The following SH3RF3 variants were observed in gnomAD, a reference collection of about 807,000 sequenced individuals.
The protein encoded by SH3RF3 is SH3 domain containing ring finger 3.
Under a neutral mutation model 66.3 loss-of-function variants are expected in SH3RF3, and 29 were observed. That is an observed-to-expected ratio of 0.44 (90% CI 0.33 to 0.60). The LOEUF (loss-of-function observed/expected upper bound fraction) is 0.60. SH3RF3 is among the 20% of genes least tolerant of loss of function. The pLI is 0.04. For synonymous variants in SH3RF3, 583 were observed against 532.0 expected (o/e 1.10, Z -1.32); for missense variants, 1,194 against 1,190.9 (o/e 1.00, Z -0.04).
rs558416208 is a variant in SH3RF3, at chr2:109,330,706, C to T, written c.574-16968C>T. On this transcript the variant is annotated intron_variant, in intron 1 of 9. Coordinates refer to ENST00000309415, the MANE Select transcript of SH3RF3 (RefSeq NM_001099289.3). ...GGATGAATGATGGATGGATACATGA[C>T]GGATGGATGAATAAACAAATAAATG... Among the ~76,000 whole-genome samples, 158 of 152,034 alleles carry T rather than the reference C, an allele frequency of 1.0e-3. 1 individual carries two copies. Among genetic ancestry groups the T allele is most frequent in the Non-Finnish European group, 1.0e-3 (70 of 67,984 alleles).
chr2:109,470,402 G>A (rs1678474919), intron 8 of SH3RF3, among the ~76,000 whole-genome samples: 1 of 152,180 alleles, frequency 6.6e-6, no homozygotes, highest in South Asian at 2.1e-4. Context: ...GAAGCGCCTT[G>A]TCAATCTTTG....
chr2:109,438,646 G>A (rs1162527858), intron 7 of SH3RF3, among the ~76,000 whole-genome samples: 1 of 152,150 alleles, frequency 6.6e-6, no homozygotes, highest in Non-Finnish European at 1.5e-5. Context: ...ATTACCTGGT[G>A]CCCAAGCCCA....
rs34609468 is a variant in SH3RF3 at position 109,129,583 on chromosome 2, G to A, written c.43G>A (p.Ala15Thr). 0.22 allele frequency: 322,253 copies of A among 1,481,992 alleles called. 37,537 individuals carry two copies. The highest frequency in any genetic ancestry group is 0.31 in the Middle Eastern group (1,366 of 4,398). 91.8% of individuals were successfully genotyped at this position (1,481,992 alleles called of 1,614,324 possible). A position where few individuals can be genotyped will look rare whatever the true frequency, so the allele number is the denominator to read the frequency against. The change falls in exon 1 of 10, where the codon GCC becomes ACC. Residue 15 changes from alanine to threonine, a missense_variant. Physicochemically the swap from Ala to Thr is moderately conservative, Grantham distance 58. Transcript: ENST00000309415. ...CTGGCTGTGCGCATCCAAGGCGGCC[G>A]CCGCTGCTGCGCAGAGCGAGGGCGA... ...ASWLCASKAA[A>T]AAAQSEGDED...
intron 5 of SH3RF3, among the ~76,000 whole-genome samples, chr2:109,422,511 A>G (rs899119663): frequency 2.6e-5 from 4 of 152,178 alleles, no homozygotes; most frequent in African/African-American, 9.7e-5. Context: ...GCCCGGAAAC[A>G]CAAGAAGGGT....
rs182559750 is a variant in SH3RF3, at chr2:109,211,215, A to G, written c.573+81102A>G. Among the ~76,000 whole-genome samples the G allele has an allele frequency of 3.6e-4, 55 of 152,320 alleles. No homozygotes were observed. In the East Asian group the frequency reaches 0.01, roughly 28 times the overall value. ...TGGGGGCTGCTCCTTGGCTGGGATA[A>G]AAGGCAAGGAGGCAACCCTGATAAA... On this transcript the variant is annotated intron_variant, in intron 1 of 9. Coordinates refer to ENST00000309415, the MANE Select transcript of SH3RF3 (RefSeq NM_001099289.3).
intron 1 of SH3RF3, among the ~76,000 whole-genome samples, chr2:109,321,231 C>A (rs1305324260): frequency 1.3e-5 from 2 of 152,188 alleles, no homozygotes; most frequent in Non-Finnish European, 1.5e-5. Flanking sequence ...AACCTTATAT[C>A]CTCGGATTCA....
chr2:109,379,880 T>C (rs1683474006), intron 3 of SH3RF3, among the ~76,000 whole-genome samples: 1 of 152,166 alleles, frequency 6.6e-6, no homozygotes, highest in East Asian at 1.9e-4. Flanking sequence ...TGGAGTGTGA[T>C]GTTGTGTCTA....
Position 109,398,795 on chromosome 2 carries a change from C to G in SH3RF3, c.1151C>G (p.Ala384Gly), listed in dbSNP as rs371355051. The G allele has an allele frequency of 1.1e-5, 18 of 1,613,698 alleles. No individual in the cohort carries two copies. The African/African-American group carries it at 2.4e-4, about 22-fold the overall frequency. The change falls in exon 4 of 10, where the codon GCG (alanine) becomes GGG (glycine). Residue 384 changes from alanine to glycine, a missense_variant. Transcript: ENST00000309415. ...KNTKKRHSFT[A>G]LSVTHRSSQA... is the part of the protein sequence containing the mutation. ...ACCAAGAAACGCCACTCCTTCACCGCGCTCAGTGTGACGCACAGATCCTCC... is the reference window on the plus strand; with the variant it reads ...ACCAAGAAACGCCACTCCTTCACCGGGCTCAGTGTGACGCACAGATCCTCC...
intron 1 of SH3RF3, among the ~76,000 whole-genome samples, chr2:109,253,185 G>T (rs1199638125): frequency 2.0e-5 from 3 of 152,090 alleles, no homozygotes; most frequent in East Asian, 1.9e-4. Flanking sequence ...GTGCCACCAT[G>T]CCTGGCTAGT....
intron 3 of SH3RF3, among the ~76,000 whole-genome samples, chr2:109,376,702 G>T (rs1683393431): frequency 6.6e-6 from 1 of 152,228 alleles, no homozygotes; most frequent in South Asian, 2.1e-4. Flanking sequence ...AGGATATTCA[G>T]AAATTGGCTG....
chr2:109,388,847 G>T (rs1424243322), intron 3 of SH3RF3, among the ~76,000 whole-genome samples: 1 of 152,124 alleles, frequency 6.6e-6, no homozygotes, highest in African/African-American at 2.4e-5. Flanking sequence ...GAGAGAAGGG[G>T]GTATAGAGAC....
chr2:109,486,601 C>T (rs887070516), intron 8 of SH3RF3, among the ~76,000 whole-genome samples: 5 of 152,174 alleles, frequency 3.3e-5, no homozygotes, highest in Admixed American at 1.3e-4. Context: ...AGCAGCTCAG[C>T]GAGGCAGATG....
At chr2:109,199,627 T>TCAACCCGACTGCAGG (rs1574499886) in intron 1 of SH3RF3, among the ~76,000 whole-genome samples, 1 of 94 alleles carries the variant, frequency 0.011, no homozygotes, top group Non-Finnish European at 0.024. Flanking sequence ...TGGAATGGAA[T>TCAACCCGACTGCAGG]GGAATGGAAT....
intron 3 of SH3RF3, among the ~76,000 whole-genome samples, chr2:109,379,485 G>A (rs1392633182): frequency 6.6e-6 from 1 of 152,200 alleles, no homozygotes; most frequent in Non-Finnish European, 1.5e-5. Context: ...AGATGTGGCC[G>A]CTGCTTCTAA....
chr2:109,171,596 G>A (rs7602711), intron 1 of SH3RF3, among the ~76,000 whole-genome samples: 1 of 152,066 alleles, frequency 6.6e-6, no homozygotes, highest in Non-Finnish European at 1.5e-5. Context: ...CCTTCTCGCC[G>A]CCCCTGGTCT....
chr2:109,217,950 T>C (rs778447905), intron 1 of SH3RF3, among the ~76,000 whole-genome samples: 1 of 152,172 alleles, frequency 6.6e-6, no homozygotes, highest in East Asian at 1.9e-4. Context: ...GACCTTTCCC[T>C]CGAGGGCTCT....
intron 1 of SH3RF3, among the ~76,000 whole-genome samples, chr2:109,252,948 C>T (rs1235170196): frequency 1.3e-5 from 2 of 152,306 alleles, no homozygotes; most frequent in Admixed American, 1.3e-4. Context: ...TGTAGTCAAT[C>T]ACCCTATTCT....
At chr2:109,255,162 A>T (rs373478402) in intron 1 of SH3RF3, among the ~76,000 whole-genome samples, 7 of 152,142 alleles carry the variant, frequency 4.6e-5, no homozygotes, top group African/African-American at 1.7e-4. Context: ...GCACGTGTGC[A>T]ACTCTTGCTT....
intron 2 of SH3RF3, among the ~76,000 whole-genome samples, chr2:109,353,891 C>A (rs1682891767): frequency 6.6e-6 from 1 of 152,156 alleles, no homozygotes; most frequent in Admixed American, 6.5e-5. Flanking sequence ...CCTCAGACCC[C>A]CTGAGGGGCC....
Sources: allele counts gnomAD v4.1 joint callset (sites outside exome capture counted in the v4.1 genomes callset), GRCh38; gene constraint gnomAD v4.1.1; transcripts MANE v1.5; gene names NCBI Gene and HGNC (gene_info 2026-07-23, HGNC 2026-07-21).